Variants in PPP3CC observed in about 807,000 individuals in gnomAD.
PPP3CC encodes serine/threonine-protein phosphatase 2B catalytic subunit gamma isoform.
In PPP3CC, 35 loss-of-function variants were observed where a neutral mutation model predicts 60.3. The ratio of observed to expected loss-of-function variants is 0.58; its 90% CI spans 0.44 to 0.77. PPP3CC has a LOEUF of 0.77. Among genes scored for constraint, PPP3CC ranks in the 30% least tolerant of loss-of-function variants. PPP3CC has a pLI of 0.00. For missense variants in PPP3CC, 570 were observed against 628.9 expected (o/e 0.91, Z 1.00); for synonymous variants, 206 against 224.3 (o/e 0.92, Z 0.73).
chr8:22,513,728 T>TA (rs997383022), intron 6 of PPP3CC, among the ~76,000 whole-genome samples: 4 of 152,036 alleles, frequency 2.6e-5, no homozygotes, highest in African/African-American at 4.8e-5. Context: ...TACACTTTTT[T>TA]AAAAAAAATT....
intron 1 of PPP3CC, among the ~76,000 whole-genome samples, chr8:22,458,646 A>C (rs903525594): frequency 1.3e-5 from 2 of 151,650 alleles, no homozygotes; most frequent in African/African-American, 4.8e-5. Context: ...ATAAAGTAAA[A>C]TAAAAATATA....
In PPP3CC at chr8:22,441,407, A is replaced by G; in HGVS notation, c.-3A>G. The G allele has an allele frequency of 1.3e-6, 2 of 1,541,336 alleles. No homozygotes were observed. Among genetic ancestry groups the G allele is most frequent in the African/African-American group, 1.4e-5 (1 of 71,604 alleles). On this transcript the variant is annotated 5_prime_UTR_variant, in exon 1 of 14. Transcript: ENST00000240139. ...CTGGAGCCTGGAGGAGGCCGAGGGG[A>G]CCATGTCCGGGAGGCGCTTCCACCT...
chr8:22,478,723 T>C (rs1024252838), intron 3 of PPP3CC, among the ~76,000 whole-genome samples: 3 of 152,204 alleles, frequency 2.0e-5, no homozygotes, highest in African/African-American at 7.2e-5. Context: ...TGTAGGAGCT[T>C]CCAGTCTAAT....
chr8:22,524,107 A>C (rs1039331121), intron 8 of PPP3CC, among the ~76,000 whole-genome samples: 6 of 152,234 alleles, frequency 3.9e-5, no homozygotes, highest in African/African-American at 1.4e-4. Context: ...GTGTTGTTCA[A>C]AATATAAATT....
intron 3 of PPP3CC, among the ~76,000 whole-genome samples, chr8:22,478,026 A>G (rs1837948481): frequency 6.6e-6 from 1 of 151,952 alleles, no homozygotes; most frequent in Non-Finnish European, 1.5e-5. Flanking sequence ...AATTTTTTGT[A>G]TTTTTAGTAG....
chr8:22,495,725 A>G (rs998707432), intron 3 of PPP3CC, among the ~76,000 whole-genome samples: 1 of 151,856 alleles, frequency 6.6e-6, no homozygotes, highest in African/African-American at 2.4e-5. Flanking sequence ...GGCCTAGCAA[A>G]TGTTTGTATT....
chr8:22,527,255 C>A, intron 8 of PPP3CC, 137 bp from the exon 9 acceptor site: 1 of 924,734 alleles, frequency 1.1e-6, no homozygotes, highest in Non-Finnish European at 1.6e-6. Context: ...TTCCATCTGC[C>A]CTTTACCTAG....
At position 22,446,478 on chromosome 8, in the gene PPP3CC, A is replaced by G. The variant is rs951960744; in HGVS notation, c.49+5020A>G. Among the ~76,000 whole-genome samples the G allele has an allele frequency of 5.3e-5, 8 of 152,260 alleles. No homozygotes were observed. In the East Asian group the frequency reaches 1.3e-3, roughly 26 times the overall value. On this transcript the variant is annotated intron_variant, in intron 1 of 13. Transcript: ENST00000240139. ...AATTAAAGACCTTTTCCTAAGCAGT[A>G]TTTGATACTAGGAATTGAATGTCTT...
Position 22,470,634 on chromosome 8 carries a change from C to T in PPP3CC, c.50-4320C>T, listed in dbSNP as rs1837693906. 2.0e-5 allele frequency among the ~76,000 whole-genome samples: 3 copies of T among 152,162 alleles called. No individual in the cohort carries two copies. In the South Asian group the frequency reaches 6.2e-4, roughly 32 times the overall value. On this transcript the variant is annotated intron_variant, in intron 1 of 13. Transcript: ENST00000240139. ...CAAGCACATCCCCAAAGAAGATATT[C>T]AAATGGCCCTTAAGCAAGTAGAAAG...
At chr8:22,443,204 A>T (rs968334488) in intron 1 of PPP3CC, among the ~76,000 whole-genome samples, 1 of 152,204 alleles carries the variant, frequency 6.6e-6, no homozygotes, top group African/African-American at 2.4e-5. Flanking sequence ...GTAAAATAAA[A>T]TGTAATAAAA....
chr8:22,531,340 A>G, intron 10 of PPP3CC: 1 of 1,526,268 alleles, frequency 6.6e-7, no homozygotes, highest in Non-Finnish European at 8.8e-7. Flanking sequence ...TATCCGACTA[A>G]ACTGTGCTAA....
chr8:22,443,866 G>A (rs141616030), intron 1 of PPP3CC, among the ~76,000 whole-genome samples: 54 of 152,212 alleles, frequency 3.5e-4, no homozygotes, highest in African/African-American at 1.3e-3. Context: ...CCATTGTAAC[G>A]GGTACTAAAC....
chr8:22,443,293 T>C (rs1448526938), intron 1 of PPP3CC, among the ~76,000 whole-genome samples: 1 of 152,014 alleles, frequency 6.6e-6, no homozygotes, highest in Non-Finnish European at 1.5e-5. Context: ...AAGGCCCATA[T>C]AGGCAGATCA....
chr8:22,441,121 G>T lies in PPP3CC; in HGVS notation c.-289G>T. 1 of 305,402 alleles carries T rather than the reference G, an allele frequency of 3.3e-6. No individual in the cohort carries two copies. Among genetic ancestry groups the T allele is most frequent in the Non-Finnish European group, 6.0e-6 (1 of 166,784 alleles). 18.9% of individuals were successfully genotyped at this position (305,402 alleles called of 1,614,324 possible). A position where few individuals can be genotyped will look rare whatever the true frequency, so the allele number is the denominator to read the frequency against. The stretch of plus-strand genomic sequence containing the variant: ...GCCGCGAGCAGCCGCGGCCGTCCCG[G>T]TCGCCACCCTTAGCAGCGGTCGCGG... On this transcript the variant is annotated 5_prime_UTR_variant, in exon 1 of 14. Coordinates refer to ENST00000240139, the MANE Select transcript of PPP3CC (RefSeq NM_005605.5).
Position 22,452,354 on chromosome 8 carries a change from C to A in PPP3CC, c.49+10896C>A, listed in dbSNP as rs575514766. 5.3e-5 allele frequency among the ~76,000 whole-genome samples: 8 copies of A among 152,276 alleles called. No homozygotes were observed. In the South Asian group the frequency reaches 1.7e-3, roughly 32 times the overall value. The stretch of plus-strand genomic sequence containing the variant: ...TGGCCCTGCGTAGAATCTTGTCCCT[C>A]AGCTTGACCAGCTCCTGTTTGTTTT... On this transcript the variant is annotated intron_variant, in intron 1 of 13. Coordinates refer to ENST00000240139, the MANE Select transcript of PPP3CC (RefSeq NM_005605.5).
intron 3 of PPP3CC, among the ~76,000 whole-genome samples, chr8:22,491,951 T>C (rs1318774852): frequency 4.6e-5 from 7 of 152,348 alleles, no homozygotes; most frequent in East Asian, 3.9e-4. Context: ...TCAGTTACTT[T>C]CAGCATTGTG....
intron 1 of PPP3CC, among the ~76,000 whole-genome samples, chr8:22,466,755 T>C (rs6997299): frequency 0.56 from 85,337 of 151,964 alleles, 25,308 homozygotes; most frequent in African/African-American, 0.76. Context: ...CAAAAATTTT[T>C]TCTGTTTTTG....
chr8:22,528,334 T>C (rs1266637845), intron 9 of PPP3CC, among the ~76,000 whole-genome samples, 172 bp from the exon 10 acceptor site: 1 of 152,254 alleles, frequency 6.6e-6, no homozygotes, highest in Non-Finnish European at 1.5e-5. Context: ...AAATTCTTTT[T>C]AAACCTGAAA....
intron 1 of PPP3CC, among the ~76,000 whole-genome samples, chr8:22,461,085 C>A (rs1389886413): frequency 6.6e-6 from 1 of 152,124 alleles, no homozygotes; most frequent in Non-Finnish European, 1.5e-5. Context: ...ACCTTGTTAT[C>A]CGCCCACCTT....
Sources: gnomAD v4.1 joint callset for allele counts (sites outside exome capture counted in the v4.1 genomes callset) on GRCh38, gnomAD v4.1.1 for gene constraint, MANE v1.5 for transcripts, NCBI Gene and HGNC (gene_info 2026-07-23, HGNC 2026-07-21) for gene names.